The following NMT2 variants were observed in gnomAD, a reference collection of about 807,000 sequenced individuals.
NMT2 encodes the protein glycylpeptide N-tetradecanoyltransferase 2.
NMT2 carries 35 observed loss-of-function variants against 65.4 expected under a neutral mutation model. The observed-to-expected ratio is 0.54, with a 90% CI of 0.41 to 0.71. NMT2 has a LOEUF of 0.71. NMT2 is among the 30% of genes least tolerant of loss of function. The pLI is 0.00. For missense variants in NMT2, 489 were observed against 611.3 expected (o/e 0.80, Z 2.11); for synonymous variants, 226 against 231.8 (o/e 0.98, Z 0.23).
chr10:15,151,797 G>C (rs1001985510), intron 1 of NMT2, among the ~76,000 whole-genome samples: 1 of 152,196 alleles, frequency 6.6e-6, no homozygotes, highest in African/African-American at 2.4e-5. Context: ...GGCTGAGGCA[G>C]GTGGATCACC....
chr10:15,132,010 C>T (rs1308807227), intron 6 of NMT2, among the ~76,000 whole-genome samples: 8 of 152,066 alleles, frequency 5.3e-5, no homozygotes, highest in Non-Finnish European at 1.2e-4. Flanking sequence ...GGATTACAGG[C>T]ACGTGCCACT....
At chr10:15,158,251 G>GGTTGCAGTGAGCCAAGATCACGCC (rs1833067426) in intron 1 of NMT2, among the ~76,000 whole-genome samples, 1 of 151,814 alleles carries the variant, frequency 6.6e-6, no homozygotes, top group Non-Finnish European at 1.5e-5. Flanking sequence ...AGGAGGTGGA[G>GGTTGCAGTGAGCCAAGATCACGCC]GTTGCAGTGA....
chr10:15,110,677 G>A (rs1237127592), intron 10 of NMT2, among the ~76,000 whole-genome samples: 1 of 152,170 alleles, frequency 6.6e-6, no homozygotes, highest in Admixed American at 6.5e-5. Context: ...AAGTCAGCAT[G>A]AAAATTCAGA....
intron 1 of NMT2, 148 bp from the exon 2 acceptor site, chr10:15,141,705 G>T (rs893036045): frequency 9.2e-7 from 1 of 1,085,564 alleles, no homozygotes; most frequent in Non-Finnish European, 1.3e-6. Context: ...GGAATAAAAG[G>T]TAGTGGAGTG....
At chr10:15,144,730 CA>C (rs1156641606) in intron 1 of NMT2, among the ~76,000 whole-genome samples, 138 of 137,248 alleles carry the variant, frequency 1.0e-3, no homozygotes, top group Admixed American at 8.9e-4. Context: ...GACTCCGTCT[CA>C]AAAAAAAAAA....
chr10:15,107,463 T>G lies in NMT2; in HGVS notation c.*1732A>C. ...AAAAGCAGGGAAAAGTATCTACTTT[T>G]GTTTTTTGAGACGGAGTCTTGCACT... On this transcript the variant is annotated 3_prime_UTR_variant, in exon 12 of 12. Transcript: ENST00000378165. 1 of 985,396 alleles carries G rather than the reference T, an allele frequency of 1.0e-6. No homozygotes were observed. The highest frequency in any genetic ancestry group is 1.2e-6 in the Non-Finnish European group (1 of 829,876). 61.0% of individuals were successfully genotyped at this position (985,396 alleles called of 1,614,324 possible).
intron 7 of NMT2, 110 bp from the exon 8 acceptor site, chr10:15,128,568 A>G: frequency 1.5e-6 from 1 of 682,974 alleles, no homozygotes; most frequent in Admixed American, 2.6e-5. Flanking sequence ...CTTACGTTGT[A>G]CTAGACAGAG....
chr10:15,110,206 G>A (rs1035802079), intron 10 of NMT2, among the ~76,000 whole-genome samples: 1 of 152,176 alleles, frequency 6.6e-6, no homozygotes, highest in South Asian at 2.1e-4. Flanking sequence ...CTGGGAGGTA[G>A]AGGTGGCAGT....
chr10:15,155,242 C>G (rs1159478637), intron 1 of NMT2: 1 of 1,500,714 alleles, frequency 6.7e-7, no homozygotes, highest in South Asian at 1.1e-5. Context: ...GGAAACTTGT[C>G]TGCAAACAGT....
chr10:15,139,869 A>C (rs1589333166), intron 2 of NMT2: 1 of 37,778 alleles, frequency 2.6e-5, no homozygotes, highest in African/African-American at 2.8e-4. Flanking sequence ...ACTACTATAT[A>C]TATATATATA....
At chr10:15,118,011 C>T (rs997759184) in intron 9 of NMT2, among the ~76,000 whole-genome samples, 2 of 152,090 alleles carry the variant, frequency 1.3e-5, no homozygotes, top group African/African-American at 2.4e-5. Flanking sequence ...CAAAAATAAG[C>T]TTATTCTAAA....
intron 1 of NMT2, among the ~76,000 whole-genome samples, chr10:15,158,721 G>A (rs755345219): frequency 6.6e-6 from 1 of 152,126 alleles, no homozygotes; most frequent in South Asian, 2.1e-4. Flanking sequence ...TACAGAATAC[G>A]ATAGACTGAT....
intron 1 of NMT2, among the ~76,000 whole-genome samples, chr10:15,148,888 A>T (rs61844187): frequency 0.19 from 29,223 of 152,138 alleles, 3,769 homozygotes; most frequent in African/African-American, 0.37. Context: ...CTTAACAACC[A>T]ATAAGCTTAA....
intron 8 of NMT2, among the ~76,000 whole-genome samples, chr10:15,126,933 T>A (rs1269724765): frequency 6.6e-6 from 1 of 152,190 alleles, no homozygotes; most frequent in Non-Finnish European, 1.5e-5. Context: ...TATTTTTCCC[T>A]ATTAAAAATG....
At chr10:15,132,083 T>C (rs373797754) in intron 6 of NMT2, among the ~76,000 whole-genome samples, 41 of 152,246 alleles carry the variant, frequency 2.7e-4, no homozygotes, top group African/African-American at 9.9e-4. Context: ...CAGGCTGGTC[T>C]CGAACTCCTG....
chr10:15,158,151 A>G (rs1304895723), intron 1 of NMT2, among the ~76,000 whole-genome samples: 1 of 152,114 alleles, frequency 6.6e-6, no homozygotes, highest in Non-Finnish European at 1.5e-5. Flanking sequence ...ATCCATTTCT[A>G]CTAAAAATAC....
Position 15,108,333 on chromosome 10 carries a change from C to T in NMT2, c.*862G>A, listed in dbSNP as rs140669429. ...TCCCAAGCAGCTGGGACTACAGGCA[C>T]ACGCCACCACGCCCGGCTAATTTTT... On this transcript the variant is annotated 3_prime_UTR_variant, in exon 12 of 12. Transcript: ENST00000378165. 1 of 465,466 alleles carries T rather than the reference C, an allele frequency of 2.1e-6. No individual in the cohort carries two copies. The highest frequency in any genetic ancestry group is 2.8e-6 in the Non-Finnish European group (1 of 355,112). The allele number at this position is 465,466 out of a possible 1,614,324, so 28.8% of individuals were successfully genotyped here.
chr10:15,160,859 C>T (rs1460760904), intron 1 of NMT2, among the ~76,000 whole-genome samples: 1 of 151,704 alleles, frequency 6.6e-6, no homozygotes, highest in Admixed American at 6.6e-5. Context: ...GGAAAAAATG[C>T]CAGAAGCTTC....
intron 6 of NMT2, among the ~76,000 whole-genome samples, chr10:15,131,001 G>A (rs1025552625): frequency 1.3e-5 from 2 of 151,962 alleles, no homozygotes; most frequent in African/African-American, 2.4e-5. Flanking sequence ...TGTTGGCTAC[G>A]CTGGTCTCGC....
Sources: gnomAD v4.1 joint callset for allele counts (sites outside exome capture counted in the v4.1 genomes callset) on GRCh38, gnomAD v4.1.1 for gene constraint, MANE v1.5 for transcripts, NCBI Gene and HGNC (gene_info 2026-07-23, HGNC 2026-07-21) for gene names.